Variants in GPC5 observed in about 807,000 individuals in gnomAD.
The protein encoded by GPC5 is glypican 5, also known as glypican-5.
Under a neutral mutation model 53.9 loss-of-function variants are expected in GPC5, and 47 were observed. That is an observed-to-expected ratio of 0.87 (90% CI 0.69 to 1.11). GPC5 has a LOEUF of 1.11. Ranked by LOEUF, GPC5 falls within the 50% of genes most tolerant of loss-of-function variation. The pLI, the probability that GPC5 is intolerant of heterozygous loss-of-function variation, is 0.00. For synonymous variants in GPC5, 286 were observed against 263.3 expected, an observed-to-expected ratio of 1.09 and a Z score of -0.84; for missense variants, 748 against 713.1, an observed-to-expected ratio of 1.05 and a Z score of -0.56.
At chr13:92,275,249 G>C (rs929112309) in intron 7 of GPC5, among the ~76,000 whole-genome samples, 3 of 151,920 alleles carry the variant, frequency 2.0e-5, no homozygotes, top group Admixed American at 6.6e-5. Context: ...ATACACACAG[G>C]CTTCTGTATT....
In GPC5 at chr13:91,861,687, T is replaced by C. The variant is rs939106872; in HGVS notation, c.1281-46250T>C. Among the ~76,000 whole-genome samples, 54 of 116,262 alleles carry C rather than the reference T, an allele frequency of 4.6e-4. 2 individuals carry two copies. The highest frequency in any genetic ancestry group is 1.9e-4 in the Non-Finnish European group (9 of 48,508). 76.3% of individuals were successfully genotyped at this position (116,262 alleles called of 152,430 possible). ...TGACAATCTCTACCTTACAATTGGATAATTTAGTTCATAAATATGTTAAAT... is the reference window on the plus strand; with the variant it reads ...TGACAATCTCTACCTTACAATTGGACAATTTAGTTCATAAATATGTTAAAT... On this transcript the variant is annotated intron_variant, in intron 5 of 7. Transcript: ENST00000377067.
At chr13:92,596,008 T>A (rs1458308316) in intron 7 of GPC5, among the ~76,000 whole-genome samples, 1 of 152,184 alleles carries the variant, frequency 6.6e-6, no homozygotes, top group African/African-American at 2.4e-5. Context: ...TATTTGCTAT[T>A]CTTGCACAAA....
At chr13:92,440,055 C>T (rs910385138) in intron 7 of GPC5, among the ~76,000 whole-genome samples, 1 of 152,126 alleles carries the variant, frequency 6.6e-6, no homozygotes, top group Non-Finnish European at 1.5e-5. Context: ...TCCATTGGAG[C>T]CACTGGTGAA....
chr13:91,881,348 T>C (rs144212118), intron 5 of GPC5, among the ~76,000 whole-genome samples: 188 of 152,232 alleles, frequency 1.2e-3, no homozygotes, highest in African/African-American at 4.5e-3. Flanking sequence ...TTTCCTTCCA[T>C]ATACTCTCTT....
intron 7 of GPC5, among the ~76,000 whole-genome samples, chr13:92,257,786 G>A (rs1184606): frequency 0.3 from 45,294 of 151,192 alleles, 7,300 homozygotes; most frequent in South Asian, 0.44. Flanking sequence ...TCCTGACCTC[G>A]TGATCCGCCT....
chr13:92,818,156 G>A (rs1444588594), intron 7 of GPC5, among the ~76,000 whole-genome samples: 2 of 151,624 alleles, frequency 1.3e-5, no homozygotes, highest in East Asian at 3.9e-4. Context: ...GGGATTACAG[G>A]CACCCATCAC....
chr13:92,506,646 T>A (rs1322061741), intron 7 of GPC5, among the ~76,000 whole-genome samples: 1 of 152,144 alleles, frequency 6.6e-6, no homozygotes, highest in Non-Finnish European at 1.5e-5. Context: ...AGCCTCTGTT[T>A]CTTTTGTTTT....
At chr13:92,642,024 A>G (rs1205098698) in intron 7 of GPC5, among the ~76,000 whole-genome samples, 6 of 152,152 alleles carry the variant, frequency 3.9e-5, no homozygotes, top group Non-Finnish European at 2.9e-5. Context: ...TAACCTGTAC[A>G]CATAGTCTCA....
chr13:91,519,316 T>C (rs1055147742), intron 2 of GPC5, among the ~76,000 whole-genome samples: 15 of 152,194 alleles, frequency 9.9e-5, no homozygotes, highest in Admixed American at 9.2e-4. Flanking sequence ...AAAGGAACTA[T>C]TTATATATTT....
At chr13:92,516,720 A>G (rs1343472900) in intron 7 of GPC5, among the ~76,000 whole-genome samples, 3 of 152,140 alleles carry the variant, frequency 2.0e-5, no homozygotes, top group Admixed American at 2.0e-4. Flanking sequence ...TGTGATCAAG[A>G]ACAGATTATT....
At chr13:92,847,611 C>T (rs888147139) in intron 7 of GPC5, among the ~76,000 whole-genome samples, 1 of 152,024 alleles carries the variant, frequency 6.6e-6, no homozygotes, top group Non-Finnish European at 1.5e-5. Flanking sequence ...GCCTGGGGAA[C>T]CATGAGCCAT....
At chr13:92,482,191 A>T in intron 7 of GPC5, among the ~76,000 whole-genome samples, 1 of 152,106 alleles carries the variant, frequency 6.6e-6, no homozygotes, top group East Asian at 1.9e-4. Flanking sequence ...ACTGCCCCAT[A>T]TCCTTTCCAC....
At chr13:91,758,051 GA>G (rs564867350) in intron 5 of GPC5, among the ~76,000 whole-genome samples, 19 of 150,418 alleles carry the variant, frequency 1.3e-4, no homozygotes, top group East Asian at 7.8e-4. Context: ...AGACTTCACA[GA>G]AAAAAAAATT....
chr13:91,624,257 C>T (rs2033940988), intron 2 of GPC5, among the ~76,000 whole-genome samples: 1 of 151,996 alleles, frequency 6.6e-6, no homozygotes, highest in Non-Finnish European at 1.5e-5. Flanking sequence ...ATGAGAAGCC[C>T]AAGAGTGGTG....
At chr13:92,529,864 C>A (rs1881492042) in intron 7 of GPC5, among the ~76,000 whole-genome samples, 2 of 151,928 alleles carry the variant, frequency 1.3e-5, no homozygotes, top group South Asian at 4.2e-4. Flanking sequence ...GGGGGCATCA[C>A]TTGAGCTCAT....
At position 92,454,419 on chromosome 13, in the gene GPC5, C is replaced by T. The variant is rs78438664; in HGVS notation, c.1561+309430C>T. 3.2e-3 allele frequency among the ~76,000 whole-genome samples: 488 copies of T among 152,318 alleles called. 1 individual carries two copies. The highest frequency in any genetic ancestry group is 4.9e-3 in the Non-Finnish European group (331 of 68,028). ...AAGCACTGACTTTGAGGAACCTCCA[C>T]TGTGAATTGTTGAATATAACCAAGA... On this transcript the variant is annotated intron_variant, in intron 7 of 7. Coordinates refer to ENST00000377067, the MANE Select transcript of GPC5 (RefSeq NM_004466.6).
intron 7 of GPC5, among the ~76,000 whole-genome samples, chr13:92,276,814 A>G (rs2042878951): frequency 6.6e-6 from 1 of 152,080 alleles, no homozygotes; most frequent in South Asian, 2.1e-4. Flanking sequence ...GCCAAACATT[A>G]ATATCTTTCC....
intron 5 of GPC5, among the ~76,000 whole-genome samples, chr13:91,825,608 G>T (rs2038564603): frequency 6.6e-6 from 1 of 152,060 alleles, no homozygotes; most frequent in Admixed American, 6.6e-5. Flanking sequence ...ATGGCCAAAA[G>T]AAAGTAGAAA....
At chr13:91,706,817 AGAAAT>A (rs945595932) in intron 3 of GPC5, among the ~76,000 whole-genome samples, 4 of 152,220 alleles carry the variant, frequency 2.6e-5, no homozygotes, top group African/African-American at 9.6e-5. Context: ...ATGAAAAACA[AGAAAT>A]GAAATATATA....
Sources: gnomAD v4.1 joint callset for allele counts (sites outside exome capture counted in the v4.1 genomes callset) on GRCh38, gnomAD v4.1.1 for gene constraint, MANE v1.5 for transcripts, NCBI Gene and HGNC (gene_info 2026-07-23, HGNC 2026-07-21) for gene names.